INTS1: variants seen among roughly 807,000 people sequenced by gnomAD.
The protein encoded by INTS1 is integrator complex subunit 1.
A neutral mutation model predicts 241.6 loss-of-function variants in INTS1; 137 were observed. The ratio of observed to expected loss-of-function variants is 0.57; its 90% CI spans 0.49 to 0.65. The LOEUF is 0.65. Ranked by LOEUF, INTS1 falls within the 30% of genes least tolerant of loss-of-function variation. The pLI, the probability that INTS1 is intolerant of heterozygous loss-of-function variation, is 0.00. For missense variants in INTS1, 3,073 were observed against 3,032.2 expected (o/e 1.01, Z -0.32); for synonymous variants, 1,692 against 1,337.8 (o/e 1.26, Z -5.78).
intron 3 of INTS1, chr7:1,501,331 A>G (rs1046302448): frequency 1.1e-4 from 17 of 151,994 alleles, no homozygotes; most frequent in African/African-American, 3.4e-4. Flanking sequence ...AAGTAAATAC[A>G]TATCCACACA....
At chr7:1,494,419 A>AG in intron 14 of INTS1, 1 of 297,880 alleles carries the variant, frequency 3.4e-6, no homozygotes, top group Non-Finnish European at 6.5e-6. Context: ...TGGGGCTTGA[A>AG]GGGGGACAGA....
rs768393731 is a variant in INTS1, at chr7:1,471,571, C to T, written c.6255G>A (p.Ser2085=). Residue 2085 remains serine, a splice_region_variant and synonymous_variant, in exon 45 of 48, where the codon TCG becomes TCA. Coordinates refer to ENST00000404767, the MANE Select transcript of INTS1 (RefSeq NM_001080453.3). ...RRRPEILSFF[S]TNLQRLMSSA... is the part of the protein sequence containing the mutation. ...TCTCCCTCAGCCCCATCCAGCTCAC[C>T]GAGAAGAAGCTCAGGATCTCGGGTC... The T allele has an allele frequency of 1.1e-5, 18 of 1,612,104 alleles. No homozygotes were observed. The highest frequency in any genetic ancestry group is 8.8e-5 in the South Asian group (8 of 91,090).
chr7:1,476,542 C>CCGGATGGGCCACCCCCTCTCG, intron 37 of INTS1, 28 bp downstream of exon 37: 1 of 1,609,874 alleles, frequency 6.2e-7, no homozygotes, highest in Non-Finnish European at 8.5e-7. Context: ...ACCCCCTCTC[C>CCGGATGGGCCACCCCCTCTCG]CGGATGGGCC....
chr7:1,483,776 G>A lies in INTS1; in HGVS notation c.3507C>T (p.Ala1169=). Residue 1169 remains alanine, a synonymous_variant, in exon 26 of 48, where the codon GCC becomes GCT. Transcript: ENST00000404767. ...TATMHILVVH[A]MVILLTLGPP... is the part of the protein sequence containing the mutation. ...GGCCCAGCGTCAGCAGGATCACCAT[G>A]GCATGGACCACGAGGATGTGCATGG... is the stretch of plus-strand genomic sequence containing the variant. 2.5e-6 allele frequency: 4 copies of A among 1,612,230 alleles called. No individual in the cohort carries two copies. The highest frequency in any genetic ancestry group is 3.4e-6 in the Non-Finnish European group (4 of 1,179,756).
intron 20 of INTS1, 101 bp downstream of exon 20, chr7:1,487,219 G>A (rs1038101568): frequency 1.5e-5 from 23 of 1,499,770 alleles, no homozygotes; most frequent in East Asian, 4.9e-5. Flanking sequence ...CATGGGCCCC[G>A]CATCCAGGTG....
At position 1,498,697 on chromosome 7, in the gene INTS1, C is replaced by T. The variant is rs367974177; in HGVS notation, c.1283+10G>A. 55 of 1,549,230 alleles carry T rather than the reference C, an allele frequency of 3.6e-5. No individual in the cohort carries two copies. In the African/African-American group the frequency reaches 5.5e-4, roughly 15 times the overall value. The stretch of plus-strand genomic sequence containing the variant: ...CCCGCACCCCCGCTCTGCCCCGGCT[C>T]GCCACGCACCTGATGCACAGCATGA... On this transcript the variant is annotated intron_variant, in intron 9 of 47. Transcript: ENST00000404767.
chr7:1,503,861 C>A (rs1279229859), intron 2 of INTS1, 42 bp downstream of exon 2: 2 of 1,490,780 alleles, frequency 1.3e-6, no homozygotes, highest in Non-Finnish European at 9.1e-7. Flanking sequence ...CCCCAAAGAC[C>A]CCCAAAGACC....
chr7:1,476,702 G>A (rs759138678), intron 36 of INTS1, 45 bp from the exon 37 acceptor site: 1 of 1,612,094 alleles, frequency 6.2e-7, no homozygotes. Context: ...TCTCGTCTCA[G>A]CATGGGAGAT....
chr7:1,488,443 A>T (rs994750264), intron 18 of INTS1, among the ~76,000 whole-genome samples: 7 of 152,062 alleles, frequency 4.6e-5, no homozygotes, highest in Non-Finnish European at 1.0e-4. Context: ...CCAAGGCCCC[A>T]AAGTCAGTCT....
At chr7:1,492,886 GGGGAGCGGGGCGCAGGCTTACCCGGGC>G (rs1782640547) in intron 16 of INTS1, 97 bp downstream of exon 16, 1 of 564,064 alleles carries the variant, frequency 1.8e-6, no homozygotes, top group African/African-American at 2.2e-5. Flanking sequence ...GGGCGGGAGT[GGGGAGCGGGGCGCAGGCTTACCCGGGC>G]GGGAGTGGGG....
chr7:1,479,526 G>C lies in INTS1; in HGVS notation c.4233C>G (p.Thr1411=). ...ITVRVLQALA[T]LLSSPHGGAL... ...CACCGCCGTGTGGGGAGCTGAGCAGGGTGGCGAGGGCCTGCAGGACACGCA... is the reference window on the plus strand; with the variant it reads ...CACCGCCGTGTGGGGAGCTGAGCAGCGTGGCGAGGGCCTGCAGGACACGCA... The change falls in exon 31 of 48, where the codon ACC becomes ACG. Residue 1411 remains threonine (T), a synonymous_variant. Transcript: ENST00000404767. 6.4e-7 allele frequency: 1 copy of C among 1,564,906 alleles called. No homozygotes were observed. The highest frequency in any genetic ancestry group is 1.2e-5 in the South Asian group (1 of 84,978).
chr7:1,493,660 T>A lies in INTS1; in HGVS notation c.2068+94A>T. 1 of 1,434,504 alleles carries A rather than the reference T, an allele frequency of 7.0e-7. No individual in the cohort carries two copies. The highest frequency in any genetic ancestry group is 9.2e-7 in the Non-Finnish European group (1 of 1,085,666). The allele number at this position is 1,434,504 out of a possible 1,614,324, so 88.9% of individuals were successfully genotyped here. A position where few individuals can be genotyped will look rare whatever the true frequency, so the allele number is the denominator to read the frequency against. On this transcript the variant is annotated intron_variant, in intron 15 of 47. Coordinates refer to ENST00000404767, the MANE Select transcript of INTS1 (RefSeq NM_001080453.3). This position sits in a 1 kb window ranked among gnomAD's most constrained non-coding sequence, Gnocchi z 5.3. Reference sequence around the variant, plus strand: ...AGGACCCAGCTGAAGCGCAGCTTTGTGGAGCGCCCCAGAGGTGCGTGCCAG... The same window carrying A: ...AGGACCCAGCTGAAGCGCAGCTTTGAGGAGCGCCCCAGAGGTGCGTGCCAG...
chr7:1,499,011 C>A lies in INTS1; in HGVS notation c.1101G>T (p.Ala367=). 1 of 1,552,920 alleles carries A rather than the reference C, an allele frequency of 6.4e-7. No individual in the cohort carries two copies. ...GCAGCCACATCTCCAGCTTCTGCACCGCCAGCAGCCGCACCTCCTTATAGC... is the reference window on the plus strand; with the variant it reads ...GCAGCCACATCTCCAGCTTCTGCACAGCCAGCAGCCGCACCTCCTTATAGC... ...TCGYKEVRLL[A]VQKLEMWLQN... The change falls in exon 8 of 48, where the codon GCG becomes GCT. Residue 367 remains alanine (A), a synonymous_variant. Transcript: ENST00000404767.
intron 24 of INTS1, among the ~76,000 whole-genome samples, chr7:1,484,558 A>G (rs1782156073): frequency 6.6e-6 from 1 of 152,210 alleles, no homozygotes; most frequent in Non-Finnish European, 1.5e-5. Flanking sequence ...AGAGAAGGAC[A>G]GCACCCAGGA....
chr7:1,480,619 A>C (rs868279050), intron 29 of INTS1, among the ~76,000 whole-genome samples, 178 bp from the exon 30 acceptor site: 75 of 152,304 alleles, frequency 4.9e-4, no homozygotes, highest in African/African-American at 1.7e-3. Flanking sequence ...AGGGATCTCA[A>C]GACTCTGAAC....
intron 24 of INTS1, 144 bp from the exon 25 acceptor site, chr7:1,484,314 C>T: frequency 2.4e-6 from 2 of 832,694 alleles, no homozygotes; most frequent in Non-Finnish European, 3.7e-6. Flanking sequence ...CCGCAGGCCG[C>T]CAGGGAAGAC....
At position 1,476,361 on chromosome 7, in the gene INTS1, T is replaced by A. The variant is rs1024693245; in HGVS notation, c.5246A>T (p.Asp1749Val). The change falls in exon 38 of 48, where the codon GAC becomes GTC. Residue 1749 changes from aspartate to valine, a missense_variant. Asp to Val is a radical substitution (Grantham distance 152). Coordinates refer to ENST00000404767, the MANE Select transcript of INTS1 (RefSeq NM_001080453.3). ...ILAEAETRSQDGDTAACSLIQ... is the reference protein window; with the variant it reads ...ILAEAETRSQVGDTAACSLIQ... ...GAGGCTGCAGGCGGCTGTGTCCCCG[T>A]CCTGGCTCCGCGTCTCCGCCTCGGC... 1 of 1,576,670 alleles carries A rather than the reference T, an allele frequency of 6.3e-7. No homozygotes were observed. Among genetic ancestry groups the A allele is most frequent in the South Asian group, 1.2e-5 (1 of 86,490 alleles).
chr7:1,471,071 C>T (rs986354998), intron 46 of INTS1, 62 bp downstream of exon 46: 22 of 1,526,622 alleles, frequency 1.4e-5, no homozygotes, highest in African/African-American at 5.5e-5. Flanking sequence ...GCGGGTCAAG[C>T]GGTGACCTGG....
In INTS1 at chr7:1,483,815, G is replaced by A. The variant is rs558492128; in HGVS notation, c.3468C>T (p.Ser1156=). 64 of 1,612,490 alleles carry A rather than the reference G, an allele frequency of 4.0e-5. No individual in the cohort carries two copies. Among genetic ancestry groups the A allele is most frequent in the Admixed American group, 1.2e-4 (7 of 60,014 alleles). Residue 1156 remains serine, a synonymous_variant, in exon 26 of 48, where the codon AGC becomes AGT. Coordinates refer to ENST00000404767, the MANE Select transcript of INTS1 (RefSeq NM_001080453.3). ...SQDQVFLRWS[S]GETATMHILV... The stretch of plus-strand genomic sequence containing the variant: ...GGATGTGCATGGTGGCTGTCTCCCC[G>A]CTGCTCCAGCGTAGGAAGACCTGGT...
Sources: gnomAD v4.1 joint callset for allele counts (sites outside exome capture counted in the v4.1 genomes callset) on GRCh38, gnomAD v4.1.1 for gene constraint, Gnocchi (gnomAD v3.1) non-coding constraint, MANE v1.5 for transcripts, NCBI Gene and HGNC (gene_info 2026-07-23, HGNC 2026-07-21) for gene names.